TNR: variants seen among roughly 807,000 people sequenced by gnomAD.
The protein encoded by TNR is tenascin R, also known as tenascin-R.
TNR carries 45 observed loss-of-function variants against 150.4 expected under a neutral mutation model. The observed-to-expected ratio is 0.30, with a 90% CI of 0.24 to 0.38. The LOEUF is 0.38. TNR is among the 10% of genes least tolerant of loss of function. The probability of loss-of-function intolerance (pLI) is 1.00; values close to 1 mark genes in which losing one functional copy is unlikely to be tolerated. For missense variants in TNR, 1,544 were observed against 1,759.1 expected (o/e 0.88, Z 2.19); for synonymous variants, 687 against 678.4 (o/e 1.01, Z -0.20).
intron 1 of TNR, among the ~76,000 whole-genome samples, chr1:175,629,092 C>A (rs558838636): frequency 2.6e-5 from 4 of 152,278 alleles, no homozygotes; most frequent in East Asian, 3.9e-4. Context: ...CAGCTGTCTG[C>A]GGTGCACTGG....
intron 9 of TNR, among the ~76,000 whole-genome samples, chr1:175,371,654 T>C (rs1013389468): frequency 2.0e-5 from 3 of 152,214 alleles, no homozygotes; most frequent in Non-Finnish European, 4.4e-5. Context: ...ATTACTGAGC[T>C]TCTTAAAGAT....
chr1:175,543,452 A>C (rs1660575365), intron 1 of TNR, among the ~76,000 whole-genome samples: 1 of 152,188 alleles, frequency 6.6e-6, no homozygotes, highest in African/African-American at 2.4e-5. Context: ...TAGGAAGGGG[A>C]CCTAGAGCCA....
chr1:175,467,998 TG>T lies in TNR; in HGVS notation c.-64+60270del, dbSNP rs1375316715. On this transcript the variant is annotated intron_variant, in intron 2 of 22. Coordinates refer to ENST00000367674, the MANE Select transcript of TNR (RefSeq NM_003285.3). The stretch of plus-strand genomic sequence containing the variant: ...GGGAATGGCAAATTAGATAGAAGTT[TG>T]TGATATGATACGGCAGCAGAGAAAG... 2.0e-5 allele frequency among the ~76,000 whole-genome samples: 3 copies of T among 152,190 alleles called. No individual in the cohort carries two copies. The East Asian group carries it at 5.8e-4, about 29-fold the overall frequency.
intron 1 of TNR, among the ~76,000 whole-genome samples, chr1:175,615,315 G>A (rs1663734308): frequency 6.6e-6 from 1 of 152,212 alleles, no homozygotes; most frequent in Non-Finnish European, 1.5e-5. Flanking sequence ...ATAAAGGGAT[G>A]TTGAGCACCA....
In TNR at chr1:175,386,264, G is replaced by A; in HGVS notation, c.1545C>T (p.Val515=). ...DGPTQILVRD[V]SDTVAFVEWI... ...ACTCCACAAAAGCCACAGTGTCCGA[G>A]ACATCGCGAACCAGGATCTGCGTGG... The change falls in exon 8 of 23, where the codon GTC becomes GTT. Residue 515 remains valine (V), a synonymous_variant. Coordinates refer to ENST00000367674, the MANE Select transcript of TNR (RefSeq NM_003285.3). The A allele has an allele frequency of 6.3e-7, 1 of 1,587,572 alleles. No homozygotes were observed. The highest frequency in any genetic ancestry group is 1.7e-4 in the Middle Eastern group (1 of 5,944).
intron 2 of TNR, among the ~76,000 whole-genome samples, chr1:175,444,146 T>C (rs773496627): frequency 6.6e-6 from 1 of 152,082 alleles, no homozygotes; most frequent in Non-Finnish European, 1.5e-5. Context: ...TATAACCAGA[T>C]AGGAAAATTA....
At chr1:175,630,659 G>A (rs1258762068) in intron 1 of TNR, among the ~76,000 whole-genome samples, 1 of 152,206 alleles carries the variant, frequency 6.6e-6, no homozygotes, top group East Asian at 1.9e-4. Context: ...TTCTTCAGGT[G>A]TTTAGGAGAA....
At chr1:175,667,778 C>T (rs951682451) in intron 1 of TNR, among the ~76,000 whole-genome samples, 1 of 152,206 alleles carries the variant, frequency 6.6e-6, no homozygotes, top group Non-Finnish European at 1.5e-5. Flanking sequence ...CTTCTCTCCT[C>T]CTGCCTGTAC....
At position 175,531,691 on chromosome 1, in the gene TNR, C is replaced by A. The variant is rs147892245; in HGVS notation, c.-164-3322G>T. On this transcript the variant is annotated intron_variant, in intron 1 of 22. Coordinates refer to ENST00000367674, the MANE Select transcript of TNR (RefSeq NM_003285.3). The stretch of plus-strand genomic sequence containing the variant: ...CAACCTACTCATTTACCTGTATGTA[C>A]CCTTTCCAGTGCTCTGCATTATCTG... Among the ~76,000 whole-genome samples, 1,035 of 152,348 alleles carry A rather than the reference C, an allele frequency of 6.8e-3. 8 individuals are homozygous for A. The highest frequency in any genetic ancestry group is 0.022 in the African/African-American group (929 of 41,582).
At chr1:175,623,807 C>T (rs2101866981) in intron 1 of TNR, among the ~76,000 whole-genome samples, 1 of 152,346 alleles carries the variant, frequency 6.6e-6, no homozygotes, top group East Asian at 1.9e-4. Context: ...TCTTCTGGTC[C>T]TATCCCCCCA....
intron 17 of TNR, among the ~76,000 whole-genome samples, chr1:175,355,142 G>T (rs1481284552): frequency 6.6e-6 from 1 of 152,156 alleles, no homozygotes; most frequent in East Asian, 1.9e-4. Context: ...CATGTACTTG[G>T]GAGTTTCCAA....
intron 1 of TNR, among the ~76,000 whole-genome samples, chr1:175,685,499 G>A (rs1309820474): frequency 6.6e-6 from 1 of 152,148 alleles, no homozygotes; most frequent in Non-Finnish European, 1.5e-5. Flanking sequence ...TTTGACCCCT[G>A]TTGGGCCCAT....
rs17305190 is a variant in TNR, at chr1:175,582,230, T to G, written c.-164-53861A>C. ...TGCCCCAGGGCACCATAGAACCTCT[T>G]GAGAACCAAGACTTAGAGTATTGTT... On this transcript the variant is annotated intron_variant, in intron 1 of 22. Coordinates refer to ENST00000367674, the MANE Select transcript of TNR (RefSeq NM_003285.3). 9.4e-3 allele frequency among the ~76,000 whole-genome samples: 1,439 copies of G among 152,332 alleles called. 7 individuals are homozygous for G. Among genetic ancestry groups the G allele is most frequent in the Non-Finnish European group, 0.012 (849 of 68,022 alleles).
At chr1:175,740,213 A>G (rs1397511863) in intron 1 of TNR, among the ~76,000 whole-genome samples, 2 of 152,222 alleles carry the variant, frequency 1.3e-5, no homozygotes, top group Non-Finnish European at 2.9e-5. Context: ...TCAGCAATAC[A>G]TTTCTGCTGC....
intron 1 of TNR, among the ~76,000 whole-genome samples, chr1:175,691,038 A>G (rs778187228): frequency 1.3e-5 from 2 of 152,202 alleles, no homozygotes; most frequent in Admixed American, 6.5e-5. Context: ...TGTTTGGCAC[A>G]GGAAGTCAAG....
chr1:175,344,905 A>G (rs1197153450), intron 18 of TNR, among the ~76,000 whole-genome samples: 3 of 152,098 alleles, frequency 2.0e-5, no homozygotes, highest in Non-Finnish European at 4.4e-5. Context: ...AAAAACAAAC[A>G]AGACCAGCCT....
At chr1:175,343,158 G>T (rs1571316913) in intron 18 of TNR, among the ~76,000 whole-genome samples, 1 of 152,026 alleles carries the variant, frequency 6.6e-6, no homozygotes, top group Non-Finnish European at 1.5e-5. Context: ...CCCTTCAATG[G>T]CTTCTTTATT....
intron 1 of TNR, among the ~76,000 whole-genome samples, chr1:175,715,091 A>G (rs1290259228): frequency 6.6e-6 from 1 of 152,178 alleles, no homozygotes; most frequent in Non-Finnish European, 1.5e-5. Context: ...CAGACACATA[A>G]AAGCTCAAGC....
intron 1 of TNR, among the ~76,000 whole-genome samples, chr1:175,739,233 C>T (rs765946551): frequency 1.3e-5 from 2 of 152,154 alleles, no homozygotes; most frequent in Non-Finnish European, 2.9e-5. Context: ...CAGAGGACAT[C>T]AGCAACCTCT....
Sources: gnomAD v4.1 joint callset for allele counts (sites outside exome capture counted in the v4.1 genomes callset) on GRCh38, gnomAD v4.1.1 for gene constraint, MANE v1.5 for transcripts, NCBI Gene and HGNC (gene_info 2026-07-23, HGNC 2026-07-21) for gene names.